The following KNTC1 variants were observed in gnomAD, a reference collection of about 807,000 sequenced individuals.
KNTC1 encodes kinetochore associated 1, also known as kinetochore-associated protein 1.
A neutral mutation model predicts 314.4 loss-of-function variants in KNTC1; 253 were observed. The observed-to-expected ratio is 0.80, with a 90% CI of 0.73 to 0.89. KNTC1 has a LOEUF of 0.89. Ranked by LOEUF, KNTC1 falls within the 40% of genes least tolerant of loss-of-function variation. The pLI, the probability that KNTC1 is intolerant of heterozygous loss-of-function variation, is 0.00. For synonymous variants in KNTC1, 901 were observed against 901.4 expected, an observed-to-expected ratio of 1.00 and a Z score of 0.01; for missense variants, 2,475 against 2,572.9, an observed-to-expected ratio of 0.96 and a Z score of 0.82.
chr12:122,542,211 C>T lies in KNTC1; in HGVS notation c.523+84C>T, dbSNP rs1170555431. ...ATGTAATAGTAAAATTTTAAGTACTCTCTTTAAGCTTATTTTATCTTACTT... is the reference window on the plus strand; with the variant it reads ...ATGTAATAGTAAAATTTTAAGTACTTTCTTTAAGCTTATTTTATCTTACTT... On this transcript the variant is annotated intron_variant, in intron 6 of 63. Coordinates refer to ENST00000333479, the MANE Select transcript of KNTC1 (RefSeq NM_014708.6). 1.6e-5 allele frequency: 14 copies of T among 892,434 alleles called. No homozygotes were observed. The East Asian group carries it at 4.0e-4, about 26-fold the overall frequency. 55.3% of individuals were successfully genotyped at this position (892,434 alleles called of 1,614,324 possible).
intron 40 of KNTC1, among the ~76,000 whole-genome samples, chr12:122,589,253 G>A (rs1163519920): frequency 1.3e-5 from 2 of 151,558 alleles, no homozygotes; most frequent in East Asian, 1.9e-4. Context: ...ACAGATTAAA[G>A]CATTCCAATG....
At chr12:122,601,123 C>A (rs1871823973) in intron 44 of KNTC1, among the ~76,000 whole-genome samples, 2 of 151,468 alleles carry the variant, frequency 1.3e-5, no homozygotes, top group Admixed American at 1.3e-4. Flanking sequence ...CGCTCTGTCA[C>A]CCAGGCTGGA....
rs1017949204 is a variant in KNTC1, at chr12:122,602,739, CTGTA to C, written c.4825+3_4825+6del. 2.5e-6 allele frequency: 4 copies of C among 1,613,528 alleles called. No homozygotes were observed. The highest frequency in any genetic ancestry group is 3.4e-6 in the Non-Finnish European group (4 of 1,179,702). On this transcript the variant is annotated splice_donor_variant and splice_donor_region_variant and coding_sequence_variant and intron_variant, in exon 46 of 64. Coordinates refer to ENST00000333479, the MANE Select transcript of KNTC1 (RefSeq NM_014708.6). LOFTEE classifies it high-confidence loss of function. ...CAGCACAGAACTTCTGGAAAATTCTCTGTATGTGTTCATTAACTTTTTATGAATT... is the reference window on the plus strand; with the variant it reads ...CAGCACAGAACTTCTGGAAAATTCTCTGTGTTCATTAACTTTTTATGAATT...
At chr12:122,622,688 A>G (rs1302637267) in intron 62 of KNTC1, 81 bp downstream of exon 62, 4 of 1,171,018 alleles carry the variant, frequency 3.4e-6, no homozygotes, top group Non-Finnish European at 4.7e-6. Context: ...ATGGCTCACG[A>G]CTGTAATCCT....
chr12:122,562,752 G>A, intron 20 of KNTC1, 53 bp downstream of exon 20: 6 of 1,068,214 alleles, frequency 5.6e-6, no homozygotes, highest in African/African-American at 3.1e-5. Flanking sequence ...TCTCACGCCT[G>A]TAATCCCAGC....
At chr12:122,539,566 A>G (rs770986411) in intron 4 of KNTC1, 110 bp from the exon 5 acceptor site, 5 of 732,014 alleles carry the variant, frequency 6.8e-6, no homozygotes, top group Non-Finnish European at 1.1e-5. Flanking sequence ...TTTAGAATAT[A>G]GGCAGAATTA....
chr12:122,564,253 A>G (rs1259165552), intron 20 of KNTC1, among the ~76,000 whole-genome samples: 1 of 152,194 alleles, frequency 6.6e-6, no homozygotes, highest in African/African-American at 2.4e-5. Context: ...CTGGGATTAC[A>G]GGTGTGAGCT....
intron 51 of KNTC1, among the ~76,000 whole-genome samples, chr12:122,608,725 G>A (rs1247751762): frequency 6.6e-6 from 1 of 152,098 alleles, no homozygotes; most frequent in Non-Finnish European, 1.5e-5. Context: ...TTAACAAATG[G>A]CTCATTTAAA....
At chr12:122,540,071 A>T (rs571690584) in intron 5 of KNTC1, among the ~76,000 whole-genome samples, 1 of 152,202 alleles carries the variant, frequency 6.6e-6, no homozygotes, top group East Asian at 1.9e-4. Flanking sequence ...GGCGTGAGCC[A>T]CTGCGCCCAG....
rs187985702 is a variant in KNTC1, at chr12:122,614,987, T to G, written c.5878-4T>G. 7 of 1,610,092 alleles carry G rather than the reference T, an allele frequency of 4.3e-6. No homozygotes were observed. The East Asian group carries it at 1.3e-4, about 31-fold the overall frequency. ...GCATGATTTTTTTCTTTTTTTGGCT[T>G]CAGGCAGTAAGATTGGTGACTGAGC... On this transcript the variant is annotated splice_polypyrimidine_tract_variant and splice_region_variant and intron_variant, in intron 55 of 63. Transcript: ENST00000333479.
chr12:122,583,003 T>C lies in KNTC1; in HGVS notation c.3263+18T>C, dbSNP rs1279540666. On this transcript the variant is annotated intron_variant, in intron 34 of 63. Coordinates refer to ENST00000333479, the MANE Select transcript of KNTC1 (RefSeq NM_014708.6). Reference sequence around the variant, plus strand: ...AAATGCAGGTGACATTCCAGATCCCTGAATTGCATAGCTTCTCTGAAATTG... The same window carrying C: ...AAATGCAGGTGACATTCCAGATCCCCGAATTGCATAGCTTCTCTGAAATTG... 4 of 1,587,854 alleles carry C rather than the reference T, an allele frequency of 2.5e-6. No individual in the cohort carries two copies. The highest frequency in any genetic ancestry group is 2.3e-5 in the South Asian group (2 of 88,406).
intron 12 of KNTC1, among the ~76,000 whole-genome samples, chr12:122,548,382 G>A (rs1042545757): frequency 1.3e-5 from 2 of 151,776 alleles, no homozygotes; most frequent in African/African-American, 4.8e-5. Context: ...GCTAATTTTT[G>A]TACTTTTAGT....
At chr12:122,619,184 A>C (rs1290745427) in intron 59 of KNTC1, among the ~76,000 whole-genome samples, 1 of 149,450 alleles carries the variant, frequency 6.7e-6, no homozygotes, top group Non-Finnish European at 1.5e-5. Context: ...CAGCCTCCTG[A>C]GTTGCTGGGA....
chr12:122,611,510 T>A (rs930928078), intron 53 of KNTC1: 3 of 152,336 alleles, frequency 2.0e-5, no homozygotes, highest in Non-Finnish European at 4.4e-5. Context: ...TCTCTACATA[T>A]AAAGACTTAC....
chr12:122,529,847 A>G (rs1294549872), intron 1 of KNTC1, 144 bp from the exon 2 acceptor site: 2 of 402,540 alleles, frequency 5.0e-6, no homozygotes, highest in South Asian at 3.4e-5. Context: ...CTCTAGTTCC[A>G]TTTATGTTAT....
At chr12:122,621,999 T>C (rs1416786770) in intron 61 of KNTC1, 29 bp downstream of exon 61, 3 of 1,469,650 alleles carry the variant, frequency 2.0e-6, no homozygotes, top group African/African-American at 1.4e-5. Context: ...TCCTTTTTGC[T>C]ATGAAAATGT....
At chr12:122,563,975 A>G (rs1964145212) in intron 20 of KNTC1, among the ~76,000 whole-genome samples, 1 of 152,134 alleles carries the variant, frequency 6.6e-6, no homozygotes, top group South Asian at 2.1e-4. Context: ...ATTATGGTTC[A>G]ATGTTTTTTA....
rs570057552 is a variant in KNTC1 at position 122,576,990 on chromosome 12, C to T, written c.2682C>T (p.Ile894=). The T allele has an allele frequency of 1.5e-4, 232 of 1,584,568 alleles. 1 individual carries two copies. The South Asian group carries it at 2.4e-3, about 16-fold the overall frequency. The stretch of plus-strand genomic sequence containing the variant: ...CGTTTATGTTATCTGATGATGAGAT[C>T]TACAGTCTAAGAATTATTGACCTGA... ...AQAFMLSDDE[I]YSLRIIDLID... Residue 894 remains isoleucine (I), a synonymous_variant, in exon 30 of 64, where the codon ATC becomes ATT. Transcript: ENST00000333479.
Position 122,626,299 on chromosome 12 carries a change from G to T in KNTC1, c.*71G>T. On this transcript the variant is annotated 3_prime_UTR_variant, in exon 64 of 64. Coordinates refer to ENST00000333479, the MANE Select transcript of KNTC1 (RefSeq NM_014708.6). ...CTATTAATGGACCATATTTATTACA[G>T]TTTTTAAATTGTACAATCTCTGTAT... 9.8e-7 allele frequency: 1 copy of T among 1,023,720 alleles called. No homozygotes were observed. The highest frequency in any genetic ancestry group is 1.5e-6 in the Non-Finnish European group (1 of 667,148). The allele number at this position is 1,023,720 out of a possible 1,614,324, so 63.4% of individuals were successfully genotyped here. A position where few individuals can be genotyped will look rare whatever the true frequency, so the allele number is the denominator to read the frequency against.
Sources: allele counts gnomAD v4.1 joint callset (sites outside exome capture counted in the v4.1 genomes callset), GRCh38; gene constraint gnomAD v4.1.1; transcripts MANE v1.5; gene names NCBI Gene and HGNC (gene_info 2026-07-23, HGNC 2026-07-21).